The following CCDC192 variants were observed in gnomAD, a reference collection of about 807,000 sequenced individuals.
The protein encoded by CCDC192 is coiled-coil domain-containing protein 192.
intron 3 of CCDC192, among the ~76,000 whole-genome samples, chr5:127,792,131 G>A (rs1266210012): frequency 6.6e-6 from 1 of 152,154 alleles, no homozygotes; most frequent in African/African-American, 2.4e-5. Context: ...GGGCAAAAAA[G>A]TGAGATTCTG....
chr5:127,901,832 G>A (rs1255360649), intron 6 of CCDC192, among the ~76,000 whole-genome samples: 1 of 152,058 alleles, frequency 6.6e-6, no homozygotes, highest in African/African-American at 2.4e-5. Context: ...TTTGTATTCT[G>A]CAACTTTATT....
chr5:127,919,515 C>T (rs1279033917), intron 6 of CCDC192, among the ~76,000 whole-genome samples: 1 of 152,170 alleles, frequency 6.6e-6, no homozygotes, highest in Non-Finnish European at 1.5e-5. Flanking sequence ...TGTCCTGTCT[C>T]AGTTTCAGAC....
chr5:127,771,627 C>A (rs1284990056), intron 3 of CCDC192, among the ~76,000 whole-genome samples: 1 of 152,028 alleles, frequency 6.6e-6, no homozygotes, highest in Non-Finnish European at 1.5e-5. Context: ...GACAGGTAGG[C>A]GTGATAGGAG....
At chr5:127,870,338 A>G (rs921022291) in intron 5 of CCDC192, among the ~76,000 whole-genome samples, 3 of 152,230 alleles carry the variant, frequency 2.0e-5, no homozygotes, top group Non-Finnish European at 2.9e-5. Context: ...GCACACTTCA[A>G]TGCTAAATTT....
intron 6 of CCDC192, among the ~76,000 whole-genome samples, chr5:127,897,377 A>C (rs1015516544): frequency 7.9e-5 from 12 of 152,140 alleles, no homozygotes; most frequent in African/African-American, 2.9e-4. Flanking sequence ...ATACTGAAAC[A>C]CTGCAAAAGT....
chr5:127,719,829 A>AGG (rs1554068199), intron 2 of CCDC192, among the ~76,000 whole-genome samples: 31,425 of 91,986 alleles, frequency 0.34, 5,007 homozygotes, highest in Middle Eastern at 0.41. Context: ...GATCAGAGGA[A>AGG]GGGGCGGGGG....
At chr5:127,716,877 T>C (rs1370201305) in intron 2 of CCDC192, among the ~76,000 whole-genome samples, 2 of 152,222 alleles carry the variant, frequency 1.3e-5, no homozygotes, top group South Asian at 2.1e-4. Flanking sequence ...TATTTTTCCT[T>C]CTCTCCTTAC....
intron 2 of CCDC192, among the ~76,000 whole-genome samples, chr5:127,709,939 C>T (rs144604666): frequency 1.7e-3 from 255 of 152,146 alleles, no homozygotes; most frequent in African/African-American, 5.1e-3. Flanking sequence ...TCAACCAGCA[C>T]CCTAGAGGTA....
At chr5:127,815,985 C>A (rs887442080) in intron 5 of CCDC192, among the ~76,000 whole-genome samples, 1 of 152,018 alleles carries the variant, frequency 6.6e-6, no homozygotes, top group African/African-American at 2.4e-5. Context: ...ATAAAAAGTA[C>A]AAAAATCACA....
In CCDC192 at chr5:127,893,466, G is replaced by A. The variant is rs543164636; in HGVS notation, c.535+17805G>A. Among the ~76,000 whole-genome samples, 18 of 152,264 alleles carry A rather than the reference G, an allele frequency of 1.2e-4. 1 individual carries two copies. The South Asian group carries it at 3.3e-3, about 28-fold the overall frequency. ...GTAAAACAGAACAAGGACACCCACT[G>A]CAGTCCAAGTGTGTTCTCACTATAC... is the stretch of plus-strand genomic sequence containing the variant. On this transcript the variant is annotated intron_variant, in intron 6 of 6. Transcript: ENST00000514853.
intron 5 of CCDC192, among the ~76,000 whole-genome samples, chr5:127,826,273 C>CA (rs1749528655): frequency 6.6e-6 from 1 of 151,882 alleles, no homozygotes; most frequent in Admixed American, 6.6e-5. Flanking sequence ...GTTAAAAAGT[C>CA]AAAGAAACAA....
At chr5:127,779,907 C>A (rs1318857442) in intron 3 of CCDC192, among the ~76,000 whole-genome samples, 1 of 151,870 alleles carries the variant, frequency 6.6e-6, no homozygotes, top group South Asian at 2.1e-4. Flanking sequence ...CCCTAAGTCG[C>A]CAAAGTCCAC....
At chr5:127,755,897 C>G (rs1386285955) in intron 3 of CCDC192, among the ~76,000 whole-genome samples, 1 of 151,786 alleles carries the variant, frequency 6.6e-6, no homozygotes, top group African/African-American at 2.4e-5. Context: ...CTTTGGGAGG[C>G]TGAGGCGGGT....
chr5:127,896,020 T>C (rs1752870246), intron 6 of CCDC192, among the ~76,000 whole-genome samples: 1 of 152,178 alleles, frequency 6.6e-6, no homozygotes, highest in Non-Finnish European at 1.5e-5. Context: ...GTCCACTTGG[T>C]GGAATTTAAG....
At chr5:127,917,792 T>C (rs1204293145) in intron 6 of CCDC192, among the ~76,000 whole-genome samples, 1 of 152,130 alleles carries the variant, frequency 6.6e-6, no homozygotes, top group African/African-American at 2.4e-5. Flanking sequence ...TGAAACATTA[T>C]GAGAATTACC....
chr5:127,931,749 T>A (rs767040637), intron 6 of CCDC192, among the ~76,000 whole-genome samples: 2 of 152,116 alleles, frequency 1.3e-5, no homozygotes, highest in Non-Finnish European at 2.9e-5. Flanking sequence ...TTAACAGAGA[T>A]TTCCCAGTGC....
chr5:127,771,334 A>G (rs1431120328), intron 3 of CCDC192, among the ~76,000 whole-genome samples: 2 of 152,208 alleles, frequency 1.3e-5, no homozygotes, highest in Admixed American at 1.3e-4. Context: ...CTGACTCCTT[A>G]CTTATATAAG....
intron 2 of CCDC192, among the ~76,000 whole-genome samples, chr5:127,739,002 C>T (rs567474498): frequency 1.1e-4 from 16 of 152,156 alleles, no homozygotes; most frequent in South Asian, 4.2e-4. Flanking sequence ...GAGGAGGAGG[C>T]GCTCTGCTTT....
intron 3 of CCDC192, chr5:127,786,775 G>A (rs980934277): frequency 6.3e-6 from 4 of 639,802 alleles, no homozygotes; most frequent in East Asian, 5.4e-5. Context: ...AATTACTTAA[G>A]TTGTTTGTAT....
Sources: allele counts gnomAD v4.1 joint callset (sites outside exome capture counted in the v4.1 genomes callset), GRCh38; gene constraint gnomAD v4.1.1; transcripts MANE v1.5; gene names NCBI Gene and HGNC (gene_info 2026-07-23, HGNC 2026-07-21).